CCDC150: variants seen among roughly 807,000 people sequenced by gnomAD.
CCDC150 encodes coiled-coil domain containing 150.
In CCDC150, 151 loss-of-function variants were observed where a neutral mutation model predicts 156.5. That is an observed-to-expected ratio of 0.97 (90% CI 0.85 to 1.10). CCDC150 has a LOEUF of 1.10. Among genes scored for constraint, CCDC150 ranks in the 50% least tolerant of loss-of-function variants. CCDC150 has a pLI of 0.00. For missense variants in CCDC150, 1,312 were observed against 1,268.1 expected (o/e 1.03, Z -0.53); for synonymous variants, 452 against 429.4 (o/e 1.05, Z -0.65).
intron 7 of CCDC150, among the ~76,000 whole-genome samples, chr2:196,668,134 T>C (rs374606065): frequency 6.6e-6 from 1 of 151,882 alleles, no homozygotes; most frequent in Non-Finnish European, 1.5e-5. Flanking sequence ...CCATCTCTAC[T>C]GAAAATACAA....
rs1452676381 is a variant in CCDC150 at position 196,657,725 on chromosome 2, T to C, written c.576+589T>C. 2.6e-5 allele frequency among the ~76,000 whole-genome samples: 4 copies of C among 152,184 alleles called. No homozygotes were observed. The East Asian group carries it at 7.7e-4, about 29-fold the overall frequency. On this transcript the variant is annotated intron_variant, in intron 4 of 27. Transcript: ENST00000389175. ...CTAACAATGTTGTTCTCCCTTCATG[T>C]CTAGGCAATGTAATGGATGTTCAAT...
intron 5 of CCDC150, among the ~76,000 whole-genome samples, chr2:196,663,371 A>G (rs1054165947): frequency 6.6e-6 from 1 of 152,254 alleles, no homozygotes; most frequent in African/African-American, 2.4e-5. Flanking sequence ...TTAATCTCAC[A>G]GTAACCAAAG....
intron 13 of CCDC150, among the ~76,000 whole-genome samples, chr2:196,691,830 A>G (rs990260166): frequency 2.0e-5 from 3 of 152,056 alleles, no homozygotes; most frequent in African/African-American, 7.2e-5. Context: ...AGTCCCAGCT[A>G]CTCGGGAGAC....
At chr2:196,709,770 C>G (rs867239312) in intron 15 of CCDC150, among the ~76,000 whole-genome samples, 3 of 152,220 alleles carry the variant, frequency 2.0e-5, no homozygotes, top group Non-Finnish European at 4.4e-5. Context: ...GGTCCCTCAG[C>G]TGCAGGTCTG....
intron 15 of CCDC150, among the ~76,000 whole-genome samples, chr2:196,710,689 G>A (rs1697050276): frequency 6.6e-6 from 1 of 152,192 alleles, no homozygotes; most frequent in Admixed American, 6.5e-5. Flanking sequence ...AGGTACATTA[G>A]AGTTACATGT....
chr2:196,730,610 T>C (rs916317922), intron 25 of CCDC150, among the ~76,000 whole-genome samples: 2 of 152,210 alleles, frequency 1.3e-5, no homozygotes, highest in African/African-American at 2.4e-5. Context: ...AAAAGAGATA[T>C]TAATCACTGT....
intron 13 of CCDC150, among the ~76,000 whole-genome samples, chr2:196,691,770 G>A (rs1408439453): frequency 4.6e-5 from 7 of 152,020 alleles, no homozygotes; most frequent in South Asian, 2.1e-4. Flanking sequence ...GTGAAACCTC[G>A]TCTCTACTAA....
intron 9 of CCDC150, 46 bp from the exon 10 acceptor site, chr2:196,674,195 A>T: frequency 8.8e-7 from 1 of 1,134,580 alleles, no homozygotes; most frequent in Non-Finnish European, 1.3e-6. Context: ...AGTAAAAATA[A>T]TTCTTTATTG....
rs1695740532 is a variant in CCDC150 at position 196,695,127 on chromosome 2, G to C, written c.1591G>C (p.Glu531Gln). Residue 531 changes from glutamate to glutamine, a missense_variant, in exon 14 of 28, where the codon GAA becomes CAA. Transcript: ENST00000389175. ...KHLADQMASL[E>Q]LQQVTSDYHG... ...CCTGGCAGATCAAATGGCTTCCCTA[G>C]AACTTCAGCAAGTCACTTCTGATTA... 1.2e-6 allele frequency: 2 copies of C among 1,610,864 alleles called. No individual in the cohort carries two copies. Among genetic ancestry groups the C allele is most frequent in the Non-Finnish European group, 1.7e-6 (2 of 1,177,272 alleles).
In CCDC150 at chr2:196,719,604, G is replaced by T. The variant is rs748146170; in HGVS notation, c.2103G>T (p.Leu701=). The T allele has an allele frequency of 6.2e-7, 1 of 1,613,296 alleles. No individual in the cohort carries two copies. The highest frequency in any genetic ancestry group is 1.3e-5 in the African/African-American group (1 of 74,882). Residue 701 remains leucine (L), a synonymous_variant, in exon 19 of 28, where the codon CTG becomes CTT. Transcript: ENST00000389175. ...CTCACAGTAAGATGCAAGGTGCTCTGGAGAAAGTACAAATAGAGCTTGGGC... is the reference window on the plus strand; with the variant it reads ...CTCACAGTAAGATGCAAGGTGCTCTTGAGAAAGTACAAATAGAGCTTGGGC... The part of the protein sequence containing the change: ...LASHSKMQGA[L]EKVQIELGRR...
At chr2:196,671,710 G>T (rs1694216127) in intron 8 of CCDC150, among the ~76,000 whole-genome samples, 1 of 152,140 alleles carries the variant, frequency 6.6e-6, no homozygotes, top group Admixed American at 6.5e-5. Context: ...TTACAGGGAT[G>T]AGCCATCGTG....
chr2:196,699,039 A>G (rs1388075725), intron 14 of CCDC150, among the ~76,000 whole-genome samples: 1 of 152,214 alleles, frequency 6.6e-6, no homozygotes, highest in Non-Finnish European at 1.5e-5. Context: ...ATAGTTCCCA[A>G]AACAGATAAC....
intron 13 of CCDC150, among the ~76,000 whole-genome samples, chr2:196,678,627 G>A (rs1694642080): frequency 6.6e-6 from 1 of 152,162 alleles, no homozygotes; most frequent in Non-Finnish European, 1.5e-5. Flanking sequence ...ATGAGAGTGG[G>A]CGTGGTGGCT....
rs745461501 is a variant in CCDC150 at position 196,658,834 on chromosome 2, C to T, written c.619C>T (p.Arg207Cys). 1.5e-5 allele frequency: 24 copies of T among 1,604,908 alleles called. No homozygotes were observed. The highest frequency in any genetic ancestry group is 3.4e-5 in the Admixed American group (2 of 58,918). ...TGAAGAGGAACTGAAGACCACAAAA[C>T]GTAAAATGAACCTTAAAATTCAAGA... ...IIEEELKTTK[R>C]KMNLKIQELR... is the part of the protein sequence containing the mutation. Residue 207 changes from arginine to cysteine, a missense_variant, in exon 5 of 28, where the codon CGT (arginine) becomes TGT (cysteine). By Grantham distance (180) the Arg-to-Cys change is radical. Transcript: ENST00000389175.
At chr2:196,657,376 G>A (rs1693271254) in intron 4 of CCDC150, 2 of 430,602 alleles carry the variant, frequency 4.6e-6, no homozygotes, top group Non-Finnish European at 8.5e-6. Flanking sequence ...AAGTGATGGT[G>A]TGGGTCCAGA....
intron 9 of CCDC150, among the ~76,000 whole-genome samples, chr2:196,673,543 A>G (rs939148601): frequency 7.9e-5 from 12 of 151,578 alleles, no homozygotes; most frequent in Non-Finnish European, 1.5e-4. Flanking sequence ...CTTTTCTTTT[A>G]CTCCATTTTA....
chr2:196,657,131 A>T lies in CCDC150; in HGVS notation c.571A>T (p.Thr191Ser), dbSNP rs757929204. Reference protein sequence around the residue: ...LTATLKIASQTKKNAAIIEEE... With the variant: ...LTATLKIASQSKKNAAIIEEE... ...TGCCACTCTGAAGATTGCCTCGCAGACAAAGGTTTGAGTCTAAGAGTTCTG... is the reference window on the plus strand; with the variant it reads ...TGCCACTCTGAAGATTGCCTCGCAGTCAAAGGTTTGAGTCTAAGAGTTCTG... The change falls in exon 4 of 28, where the codon ACA (threonine) becomes TCA (serine). Residue 191 changes from threonine (T) to serine (S), a missense_variant. Transcript: ENST00000389175. 6.2e-7 allele frequency: 1 copy of T among 1,613,642 alleles called. No homozygotes were observed. Among genetic ancestry groups the T allele is most frequent in the Non-Finnish European group, 8.5e-7 (1 of 1,179,642 alleles).
At chr2:196,662,525 A>T (rs1182911529) in intron 5 of CCDC150, among the ~76,000 whole-genome samples, 6 of 152,122 alleles carry the variant, frequency 3.9e-5, no homozygotes, top group Admixed American at 3.9e-4. Flanking sequence ...TCCTATGAGA[A>T]TCTAATGCTG....
At chr2:196,702,311 A>T (rs1017028885) in intron 15 of CCDC150, among the ~76,000 whole-genome samples, 1 of 150,702 alleles carries the variant, frequency 6.6e-6, no homozygotes, top group Non-Finnish European at 1.5e-5. Context: ...AATTAAATCA[A>T]AATCTCAGGG....
Sources: allele counts gnomAD v4.1 joint callset (sites outside exome capture counted in the v4.1 genomes callset), GRCh38; gene constraint gnomAD v4.1.1; transcripts MANE v1.5; gene names NCBI Gene and HGNC (gene_info 2026-07-23, HGNC 2026-07-21).